TEX15: variants seen among roughly 807,000 people sequenced by gnomAD.
The protein encoded by TEX15 is testis expressed 15, meiosis and synapsis associated.
A neutral mutation model predicts 237.3 loss-of-function variants in TEX15; 171 were observed. The observed-to-expected ratio is 0.72, with a 90% CI of 0.64 to 0.82. The LOEUF (loss-of-function observed/expected upper bound fraction) is 0.82, where lower values mean the gene tolerates loss of function less well. TEX15 is among the 40% of genes least tolerant of loss of function. TEX15 has a pLI of 0.00. For synonymous variants in TEX15, 1,338 were observed against 1,269.8 expected, an observed-to-expected ratio of 1.05 and a Z score of -1.14; for missense variants, 3,750 against 3,646.5, an observed-to-expected ratio of 1.03 and a Z score of -0.73.
chr8:30,911,378 C>T (rs1454081239), intron 1 of TEX15, among the ~76,000 whole-genome samples: 2 of 152,302 alleles, frequency 1.3e-5, no homozygotes, highest in East Asian at 1.9e-4. Context: ...TTTCGAACTC[C>T]TGGGCTCATG....
chr8:30,857,331 C>T (rs939879119), intron 7 of TEX15, among the ~76,000 whole-genome samples: 1 of 151,914 alleles, frequency 6.6e-6, no homozygotes, highest in Non-Finnish European at 1.5e-5. Flanking sequence ...AAAACATACC[C>T]ATAAAGTTTA....
rs117695871 is a variant in TEX15 at position 30,834,630 on chromosome 8, A to C, written c.9482-1307T>G. Among the ~76,000 whole-genome samples, 1,195 of 152,286 alleles carry C rather than the reference A, an allele frequency of 7.8e-3. 13 individuals are homozygous for C. Among genetic ancestry groups the C allele is most frequent in the Middle Eastern group, 0.044 (13 of 294 alleles). On this transcript the variant is annotated intron_variant, in intron 10 of 10. Transcript: ENST00000643185. ...ACCTTATGTGAGAAAAGCACACAAA[A>C]AGTACTACAGAAGTACGAGAGAGAT...
intron 2 of TEX15, among the ~76,000 whole-genome samples, chr8:30,891,679 G>A (rs1299145330): frequency 6.6e-6 from 1 of 152,060 alleles, no homozygotes; most frequent in African/African-American, 2.4e-5. Flanking sequence ...TCACCATGTT[G>A]GCCAGGCTGG....
In TEX15 at chr8:30,848,430, G is replaced by A. The variant is rs752898161; in HGVS notation, c.1737C>T (p.His579=). 1.9e-6 allele frequency: 3 copies of A among 1,614,004 alleles called. No homozygotes were observed. The highest frequency in any genetic ancestry group is 2.7e-5 in the African/African-American group (2 of 74,898). ...GNAYTKEYSS[H]IFQDSQSSDL... ...CAGAAGACTGCGAGTCCTGAAAAAT[G>A]TGACTACTGTACTCTTTTGTATAAG... Residue 579 remains histidine, a synonymous_variant, in exon 8 of 11, where the codon CAC becomes CAT. Transcript: ENST00000643185.
rs1301473809 is a variant in TEX15, at chr8:30,887,325, A to G, written c.-9-14T>C. 2.6e-6 allele frequency: 4 copies of G among 1,517,440 alleles called. No individual in the cohort carries two copies. Among genetic ancestry groups the G allele is most frequent in the Non-Finnish European group, 3.5e-6 (4 of 1,139,840 alleles). The allele number at this position is 1,517,440 out of a possible 1,614,324, so 94.0% of individuals were successfully genotyped here. On this transcript the variant is annotated splice_polypyrimidine_tract_variant and intron_variant, in intron 2 of 10. Transcript: ENST00000643185. The stretch of plus-strand genomic sequence containing the variant: ...CATTTTGTTGGCCTAAAATCAACCC[A>G]AGGTTATTAAGCAAAAAGGTCAATA...
chr8:30,893,767 T>G (rs1308464767), intron 2 of TEX15, among the ~76,000 whole-genome samples: 1 of 152,236 alleles, frequency 6.6e-6, no homozygotes, highest in Non-Finnish European at 1.5e-5. Context: ...TCTTATGTCC[T>G]GCATTTTCAT....
chr8:30,872,051 G>A (rs1405678104), intron 4 of TEX15, among the ~76,000 whole-genome samples: 2 of 152,116 alleles, frequency 1.3e-5, no homozygotes, highest in Non-Finnish European at 2.9e-5. Context: ...ACTATAGCAG[G>A]AGATCTTGTT....
At chr8:30,909,394 A>ACCCCCCCCCCCCCCCCCCCC (rs35046956) in intron 1 of TEX15, among the ~76,000 whole-genome samples, 23 of 118,336 alleles carry the variant, frequency 1.9e-4, no homozygotes, top group Admixed American at 2.8e-4. Flanking sequence ...TTAAAGACAG[A>ACCCCCCCCCCCCCCCCCCCC]CCCCCCCCCG....
Position 30,842,593 on chromosome 8 carries a change from A to G in TEX15, c.7574T>C (p.Ile2525Thr). Residue 2525 changes from isoleucine (I) to threonine (T), a missense_variant, in exon 8 of 11, where the codon ATC (isoleucine) becomes ACC (threonine). Coordinates refer to ENST00000643185, the MANE Select transcript of TEX15 (RefSeq NM_001350162.2). ...VSELKKDLDI[I>T]CKYNEAVNCS... ...ATTAACAGCTTCATTATATTTGCAG[A>G]TAATATCCAGATCTTTCTTAAGTTC... The G allele has an allele frequency of 6.2e-7, 1 of 1,611,016 alleles. No homozygotes were observed. The highest frequency in any genetic ancestry group is 1.1e-5 in the South Asian group (1 of 90,920).
intron 7 of TEX15, among the ~76,000 whole-genome samples, chr8:30,854,969 T>G (rs1172574825): frequency 1.3e-5 from 2 of 152,106 alleles, no homozygotes; most frequent in Non-Finnish European, 2.9e-5. Flanking sequence ...GCAGATTTCC[T>G]CAACATGATA....
intron 4 of TEX15, among the ~76,000 whole-genome samples, chr8:30,871,567 A>C (rs888904946): frequency 6.6e-6 from 1 of 152,198 alleles, no homozygotes; most frequent in Non-Finnish European, 1.5e-5. Context: ...AGCAAGGGGA[A>C]TTGGACAAAA....
At position 30,845,268 on chromosome 8, in the gene TEX15, G is replaced by A. The variant is rs777646610; in HGVS notation, c.4899C>T (p.Asn1633=). Residue 1633 remains asparagine, a synonymous_variant, in exon 8 of 11, where the codon AAC becomes AAT. Transcript: ENST00000643185. ...GACCTATGCAAGTTGCATCACAATC[G>A]TTGCCTGTACTAGAATTTATGTTTT... is the stretch of plus-strand genomic sequence containing the variant. The part of the protein sequence containing the change: ...IKENINSSTG[N]DCDATCIGHT... 8.1e-6 allele frequency: 13 copies of A among 1,613,180 alleles called. No homozygotes were observed. Among genetic ancestry groups the A allele is most frequent in the South Asian group, 2.2e-5 (2 of 91,010 alleles).
chr8:30,891,064 C>A (rs1489545954), intron 2 of TEX15, among the ~76,000 whole-genome samples: 1 of 152,152 alleles, frequency 6.6e-6, no homozygotes, highest in Non-Finnish European at 1.5e-5. Context: ...TCTGTATAGT[C>A]TCATTTCTGA....
intron 3 of TEX15, among the ~76,000 whole-genome samples, chr8:30,878,758 C>A (rs963386206): frequency 6.6e-6 from 1 of 152,100 alleles, no homozygotes; most frequent in Admixed American, 6.5e-5. Context: ...CTCCTGGGCT[C>A]CAGCAATCCT....
intron 1 of TEX15, among the ~76,000 whole-genome samples, chr8:30,904,396 A>T (rs2128779633): frequency 6.6e-6 from 1 of 151,304 alleles, no homozygotes. Flanking sequence ...GCAGTGAGCC[A>T]ACATGGTGCC....
intron 3 of TEX15, among the ~76,000 whole-genome samples, chr8:30,881,898 C>T (rs568657574): frequency 3.3e-5 from 5 of 152,120 alleles, no homozygotes; most frequent in African/African-American, 1.2e-4. Context: ...GCTAGGATTA[C>T]AGGCGTGAGC....
intron 4 of TEX15, 113 bp from the exon 5 acceptor site, chr8:30,867,615 G>A (rs529813376): frequency 1.4e-5 from 9 of 645,642 alleles, no homozygotes; most frequent in Non-Finnish European, 2.2e-5. Context: ...GCGATATTCA[G>A]AGGTATTACT....
chr8:30,889,941 A>ATATATATATACG (rs1808755094), intron 2 of TEX15, among the ~76,000 whole-genome samples: 2 of 130,036 alleles, frequency 1.5e-5, no homozygotes, highest in Non-Finnish European at 3.1e-5. Flanking sequence ...ATACATATAT[A>ATATATATATACG]TATATATATA....
chr8:30,837,193 A>C lies in TEX15; in HGVS notation c.9091T>G (p.Ser3031Ala). The C allele has an allele frequency of 6.2e-7, 1 of 1,614,160 alleles. No individual in the cohort carries two copies. ...QSACNPTYNS[S>A]EHLFGTSYPY... is the part of the protein sequence containing the mutation. ...TATGAAGTTCCAAATAAATGCTCAG[A>C]AGAATTATATGTTGGGTTACATGCA... The change falls in exon 10 of 11, where the codon TCT (serine) becomes GCT (alanine). Residue 3031 changes from serine (S) to alanine (A), a missense_variant. Physicochemically the swap from Ser to Ala is moderately conservative, Grantham distance 99 (BLOSUM62 1). Coordinates refer to ENST00000643185, the MANE Select transcript of TEX15 (RefSeq NM_001350162.2).
Sources: allele counts gnomAD v4.1 joint callset (sites outside exome capture counted in the v4.1 genomes callset), GRCh38; gene constraint gnomAD v4.1.1; transcripts MANE v1.5; gene names NCBI Gene and HGNC (gene_info 2026-07-23, HGNC 2026-07-21).